The following GANC variants were observed in gnomAD, a reference collection of about 807,000 sequenced individuals.
The protein encoded by GANC is glucosidase alpha, neutral C, also known as neutral alpha-glucosidase C.
A neutral mutation model predicts 124.2 loss-of-function variants in GANC; 117 were observed. That is an observed-to-expected ratio of 0.94 (90% CI 0.81 to 1.10). The LOEUF is 1.10. GANC is among the 50% of genes least tolerant of loss of function. The probability of loss-of-function intolerance (pLI) is 0.00; values close to 1 mark genes in which losing one functional copy is unlikely to be tolerated. For missense variants in GANC, 1,140 were observed against 1,095.0 expected (o/e 1.04, Z -0.58); for synonymous variants, 377 against 376.8 (o/e 1.00, Z -0.01).
intron 21 of GANC, among the ~76,000 whole-genome samples, chr15:42,349,026 C>A (rs2052395318): frequency 6.6e-6 from 1 of 152,174 alleles, no homozygotes; most frequent in Admixed American, 6.5e-5. Context: ...TTGATGTCAT[C>A]TATTATGTAT....
At chr15:42,315,948 G>C (rs1459542843) in intron 10 of GANC, among the ~76,000 whole-genome samples, 1 of 152,030 alleles carries the variant, frequency 6.6e-6, no homozygotes, top group Non-Finnish European at 1.5e-5. Context: ...ACACGAGCCA[G>C]TTACTTTAAA....
At chr15:42,277,345 A>G (rs1487159822) in intron 2 of GANC, among the ~76,000 whole-genome samples, 1 of 151,946 alleles carries the variant, frequency 6.6e-6, no homozygotes, top group Non-Finnish European at 1.5e-5. Flanking sequence ...AGCCTGACCA[A>G]CATGCAGAAA....
In GANC at chr15:42,273,427, G is replaced by C. The variant is rs1305871278; in HGVS notation, c.-1055G>C. On this transcript the variant is annotated 5_prime_UTR_variant, in exon 1 of 24. Transcript: ENST00000318010. ...CACAGCCGTGGAGTGCCTACCGAAA[G>C]CATTTCACCCTCTTCCGGTTCGTCC... The C allele has an allele frequency of 3.7e-6, 6 of 1,612,896 alleles. No homozygotes were observed. The highest frequency in any genetic ancestry group is 5.1e-6 in the Non-Finnish European group (6 of 1,179,674).
In GANC at chr15:42,298,693, T is replaced by C. The variant is rs531362822; in HGVS notation, c.558+1037T>C. ...TCACAATATTGATTCTTCCTATCCA[T>C]GAGGATGGAATGTTTTATCATTTGT... On this transcript the variant is annotated intron_variant, in intron 6 of 23. Coordinates refer to ENST00000318010, the MANE Select transcript of GANC (RefSeq NM_198141.3). Among the ~76,000 whole-genome samples the C allele has an allele frequency of 2.0e-5, 3 of 152,360 alleles. No homozygotes were observed. The East Asian group carries it at 5.8e-4, about 29-fold the overall frequency.
At chr15:42,299,820 A>G (rs1390507975) in intron 6 of GANC, among the ~76,000 whole-genome samples, 4 of 152,176 alleles carry the variant, frequency 2.6e-5, no homozygotes, top group African/African-American at 9.7e-5. Context: ...CACATCTACA[A>G]CCATCTGATC....
intron 5 of GANC, among the ~76,000 whole-genome samples, chr15:42,294,312 G>A (rs1484565360): frequency 2.0e-5 from 3 of 151,304 alleles, no homozygotes; most frequent in Non-Finnish European, 4.4e-5. Flanking sequence ...GGTGGCTCAT[G>A]CCTGTAACCC....
chr15:42,344,073 G>A (rs149941279), intron 19 of GANC, among the ~76,000 whole-genome samples: 106 of 152,358 alleles, frequency 7.0e-4, no homozygotes, highest in Non-Finnish European at 1.4e-3. Flanking sequence ...CAGGTGCTGG[G>A]CTGGCAACCC....
At chr15:42,277,649 G>A (rs2051685265) in intron 2 of GANC, among the ~76,000 whole-genome samples, 1 of 151,698 alleles carries the variant, frequency 6.6e-6, no homozygotes, top group South Asian at 2.1e-4. Context: ...CACCCAGGCT[G>A]GAGTGCAGTG....
intron 3 of GANC, chr15:42,283,837 A>G (rs1393297810): frequency 1.4e-6 from 1 of 702,594 alleles, no homozygotes; most frequent in Admixed American, 2.0e-5. Context: ...TAATTTGGGA[A>G]CTGGCCAGAC....
chr15:42,345,695 C>G, intron 19 of GANC, 63 bp from the exon 20 acceptor site: 1 of 912,346 alleles, frequency 1.1e-6, no homozygotes, highest in Admixed American at 2.2e-5. Context: ...ATTTTGCTGA[C>G]TAATGAAATG....
chr15:42,315,993 T>G (rs2052097897), intron 10 of GANC, among the ~76,000 whole-genome samples: 1 of 152,062 alleles, frequency 6.6e-6, no homozygotes, highest in African/African-American at 2.4e-5. Context: ...TGTGTATGTA[T>G]ACATATTTAT....
intron 3 of GANC, chr15:42,281,176 G>A (rs2051729976): frequency 1.5e-6 from 1 of 689,572 alleles, no homozygotes; most frequent in Non-Finnish European, 2.6e-6. Flanking sequence ...TGCATGCCCT[G>A]ATCTCAGGCA....
chr15:42,323,519 T>G (rs78973373), intron 11 of GANC, among the ~76,000 whole-genome samples: 270 of 151,462 alleles, frequency 1.8e-3, no homozygotes, highest in African/African-American at 2.6e-3. Context: ...AATTTTTTTT[T>G]GGGGACAGAG....
chr15:42,340,623 A>T (rs2052322273), intron 17 of GANC, 67 bp from the exon 18 acceptor site: 3 of 1,270,900 alleles, frequency 2.4e-6, no homozygotes, highest in Non-Finnish European at 3.3e-6. Context: ...AAAAACTAAA[A>T]ATATAAGTGA....
chr15:42,284,361 C>T (rs1566949451), intron 3 of GANC: 1 of 202,972 alleles, frequency 4.9e-6, no homozygotes, highest in South Asian at 1.6e-4. Flanking sequence ...ATGATGTTTA[C>T]AAAATATCTG....
chr15:42,306,498 T>C (rs1379184911), intron 6 of GANC, 48 bp from the exon 7 acceptor site: 5 of 1,424,494 alleles, frequency 3.5e-6, no homozygotes, highest in African/African-American at 1.4e-5. Context: ...GGTAAACACA[T>C]TTGTTGCAAT....
rs948618875 is a variant in GANC at position 42,352,197 on chromosome 15, C to G, written c.*58C>G. 6.3e-7 allele frequency: 1 copy of G among 1,593,888 alleles called. No homozygotes were observed. Among genetic ancestry groups the G allele is most frequent in the African/African-American group, 1.3e-5 (1 of 74,240 alleles). On this transcript the variant is annotated 3_prime_UTR_variant, in exon 24 of 24. Transcript: ENST00000318010. ...CCTGCCTGCCCCTTTCAACCTTTCC[C>G]CTCACCTTTTTTGAGATTTTTGCTG...
At chr15:42,316,344 A>T (rs2052101561) in intron 10 of GANC, among the ~76,000 whole-genome samples, 1 of 152,014 alleles carries the variant, frequency 6.6e-6, no homozygotes, top group Non-Finnish European at 1.5e-5. Context: ...AGTGGCCCTG[A>T]ATGGCTGGGC....
chr15:42,274,740 C>CCTA (rs2051641082), intron 1 of GANC, among the ~76,000 whole-genome samples: 1 of 152,034 alleles, frequency 6.6e-6, no homozygotes, highest in African/African-American at 2.4e-5. Context: ...CTTTGGGAGG[C>CCTA]TAAGGTGGGA....
Sources: allele counts gnomAD v4.1 joint callset (sites outside exome capture counted in the v4.1 genomes callset), GRCh38; gene constraint gnomAD v4.1.1; transcripts MANE v1.5; gene names NCBI Gene and HGNC (gene_info 2026-07-23, HGNC 2026-07-21).